ADGRE3: variants seen among roughly 807,000 people sequenced by gnomAD.
ADGRE3 encodes the protein EGF-like module receptor 3.
In ADGRE3, 88 loss-of-function variants were observed where a neutral mutation model predicts 80.1. The ratio of observed to expected loss-of-function variants is 1.10; its 90% CI spans 0.93 to 1.31. The LOEUF (loss-of-function observed/expected upper bound fraction) is 1.31. Among genes scored for constraint, ADGRE3 ranks in the 40% most tolerant of loss-of-function variants. The pLI is 0.00. For synonymous variants in ADGRE3, 281 were observed against 294.8 expected, an observed-to-expected ratio of 0.95 and a Z score of 0.48; for missense variants, 715 against 776.5, an observed-to-expected ratio of 0.92 and a Z score of 0.94.
At chr19:14,633,549 A>G (rs554577958) in intron 11 of ADGRE3, among the ~76,000 whole-genome samples, 2 of 151,816 alleles carry the variant, frequency 1.3e-5, no homozygotes. Flanking sequence ...TACTAAAAAT[A>G]TAAAAATTAG....
At chr19:14,654,373 C>T (rs981874307) in intron 6 of ADGRE3, among the ~76,000 whole-genome samples, 10 of 151,742 alleles carry the variant, frequency 6.6e-5, no homozygotes, top group Non-Finnish European at 1.3e-4. Context: ...AAGCCATCCT[C>T]TCCCTCAGCC....
chr19:14,641,705 A>G (rs773404901), intron 9 of ADGRE3, 89 bp from the exon 10 acceptor site: 128 of 1,513,744 alleles, frequency 8.5e-5, no homozygotes, highest in Non-Finnish European at 1.1e-4. Flanking sequence ...AGACACAGGC[A>G]CCAAGCCCAG....
the ADGRE3 span, among the ~76,000 whole-genome samples, chr19:14,601,145 C>T: frequency 4.6e-5 from 7 of 150,718 alleles, no homozygotes; most frequent in South Asian, 1.5e-3. Flanking sequence ...TCAGGTGATC[C>T]TCCCACCTCT....
chr19:14,635,213 C>T (rs1029602148), intron 11 of ADGRE3, among the ~76,000 whole-genome samples: 1 of 152,118 alleles, frequency 6.6e-6, no homozygotes, highest in African/African-American at 2.4e-5. Context: ...CCTCCCGCCC[C>T]AGCCTCCTGA....
At chr19:14,656,034 G>A (rs922088932) in intron 5 of ADGRE3, among the ~76,000 whole-genome samples, 1 of 151,780 alleles carries the variant, frequency 6.6e-6, no homozygotes, top group Non-Finnish European at 1.5e-5. Flanking sequence ...TAGGAGTGGA[G>A]GTTTAATAGG....
chr19:14,663,122 C>G (rs894386334), intron 3 of ADGRE3, among the ~76,000 whole-genome samples: 1 of 151,974 alleles, frequency 6.6e-6, no homozygotes, highest in African/African-American at 2.4e-5. Context: ...CATGCCTCAG[C>G]CTCTTGAGTA....
intron 8 of ADGRE3, among the ~76,000 whole-genome samples, chr19:14,646,024 C>A (rs1971389356): frequency 1.3e-5 from 2 of 152,092 alleles, no homozygotes; most frequent in Non-Finnish European, 2.9e-5. Context: ...TTTATTTAAC[C>A]CACTATATCC....
chr19:14,633,598 G>C (rs1035809787), intron 11 of ADGRE3, among the ~76,000 whole-genome samples: 22 of 151,562 alleles, frequency 1.5e-4, no homozygotes, highest in Non-Finnish European at 2.4e-4. Flanking sequence ...CCAGCTATTC[G>C]GGAGGCTGAG....
intron 15 of ADGRE3, 43 bp downstream of exon 15, chr19:14,625,449 A>T: frequency 8.2e-7 from 1 of 1,226,498 alleles, no homozygotes; most frequent in East Asian, 2.3e-5. Context: ...GTGTCAAGAG[A>T]GGAGTATGTA....
At chr19:14,643,245 A>G (rs1971303126) in intron 9 of ADGRE3, among the ~76,000 whole-genome samples, 2 of 150,498 alleles carry the variant, frequency 1.3e-5, no homozygotes, top group Admixed American at 6.7e-5. Flanking sequence ...TCCCAGGTTC[A>G]AGCAATTCTC....
chr19:14,654,855 T>G, intron 6 of ADGRE3, 127 bp downstream of exon 6: 1 of 673,234 alleles, frequency 1.5e-6, no homozygotes, highest in Non-Finnish European at 2.4e-6. Flanking sequence ...CTAGAATTTA[T>G]ATAAATTTTT....
At chr19:14,648,363 G>C (rs1339425495) in intron 7 of ADGRE3, among the ~76,000 whole-genome samples, 2 of 152,110 alleles carry the variant, frequency 1.3e-5, no homozygotes, top group South Asian at 4.1e-4. Context: ...GGAAGAGCTT[G>C]AAAGTTCAGC....
chr19:14,625,764 G>A (rs1046074853), intron 14 of ADGRE3, among the ~76,000 whole-genome samples, 165 bp from the exon 15 acceptor site: 2 of 152,164 alleles, frequency 1.3e-5, no homozygotes, highest in African/African-American at 4.8e-5. Flanking sequence ...AAAGGAAGGA[G>A]ATTCTGACAC....
At chr19:14,610,194 T>G in the ADGRE3 span, 1 of 1,562,666 alleles carries the variant, frequency 6.4e-7, no homozygotes, top group Non-Finnish European at 8.7e-7. Context: ...ATGTTCCTGT[T>G]GAAGCCCAGG....
intron 8 of ADGRE3, 57 bp downstream of exon 8, chr19:14,647,124 C>A (rs1971428971): frequency 3.5e-6 from 5 of 1,418,362 alleles, no homozygotes. Flanking sequence ...ATGATACACA[C>A]ATCGTTTGGC....
intron 2 of ADGRE3, among the ~76,000 whole-genome samples, chr19:14,666,088 C>A (rs6511956): frequency 1.7e-4 from 25 of 148,990 alleles, no homozygotes; most frequent in African/African-American, 6.1e-4. Flanking sequence ...GTTTTTTGTA[C>A]AATGCTTCTT....
At chr19:14,612,721 A>AG in the ADGRE3 span, among the ~76,000 whole-genome samples, 1 of 152,144 alleles carries the variant, frequency 6.6e-6, no homozygotes, top group East Asian at 1.9e-4. Flanking sequence ...TGCATTTGGG[A>AG]GGGGTGGCAC....
chr19:14,601,065 G>A, the ADGRE3 span, among the ~76,000 whole-genome samples: 741 of 151,928 alleles, frequency 4.9e-3, 1 homozygote, highest in Non-Finnish European at 7.6e-3. Context: ...ACCACGCCTG[G>A]CTAACTTTTG....
chr19:14,618,061 A>G (rs79999975), downstream of ADGRE3, among the ~76,000 whole-genome samples: 618 of 152,212 alleles, frequency 4.1e-3, 3 homozygotes, highest in African/African-American at 0.014. Context: ...TTGGAGGGAC[A>G]GCATAATTTA....
Sources: gnomAD v4.1 joint callset for allele counts (sites outside exome capture counted in the v4.1 genomes callset) on GRCh38, gnomAD v4.1.1 for gene constraint, MANE v1.5 for transcripts, NCBI Gene and HGNC (gene_info 2026-07-23, HGNC 2026-07-21) for gene names.